The following TMPRSS12 variants were observed in gnomAD, a reference collection of about 807,000 sequenced individuals.
TMPRSS12 encodes transmembrane serine protease 12.
A neutral mutation model predicts 26.0 loss-of-function variants in TMPRSS12; 25 were observed. That is an observed-to-expected ratio of 0.96 (90% CI 0.70 to 1.34). TMPRSS12 has a LOEUF of 1.34. TMPRSS12 is among the 40% of genes most tolerant of loss of function. TMPRSS12 has a pLI of 0.00. For missense variants in TMPRSS12, 441 were observed against 440.1 expected (o/e 1.00, Z -0.02); for synonymous variants, 150 against 161.7 (o/e 0.93, Z 0.55).
intron 3 of TMPRSS12, among the ~76,000 whole-genome samples, chr12:50,875,173 A>G (rs1450610990): frequency 1.3e-5 from 2 of 152,148 alleles, no homozygotes; most frequent in East Asian, 3.8e-4. Flanking sequence ...GCATCACATT[A>G]CCCAACTTCA....
chr12:50,885,019 G>A (rs1164595286), intron 3 of TMPRSS12, among the ~76,000 whole-genome samples: 2 of 151,918 alleles, frequency 1.3e-5, no homozygotes, highest in Non-Finnish European at 2.9e-5. Context: ...ACTCCAGCCT[G>A]GGCAATAGAT....
chr12:50,879,979 T>TA (rs1247748893), intron 3 of TMPRSS12, among the ~76,000 whole-genome samples: 2 of 151,890 alleles, frequency 1.3e-5, no homozygotes, highest in African/African-American at 2.4e-5. Flanking sequence ...ACAAAAACAT[T>TA]AAAAAATAAA....
intron 3 of TMPRSS12, among the ~76,000 whole-genome samples, chr12:50,883,526 A>G (rs1938195552): frequency 6.6e-6 from 1 of 152,090 alleles, no homozygotes; most frequent in Non-Finnish European, 1.5e-5. Context: ...TCTACAAAAA[A>G]TTTAAAAATT....
rs1293258132 is a variant in TMPRSS12 at position 50,887,434 on chromosome 12, A to G, written c.968A>G (p.Gln323Arg). 1 of 1,613,966 alleles carries G rather than the reference A, an allele frequency of 6.2e-7. No individual in the cohort carries two copies. The highest frequency in any genetic ancestry group is 2.2e-5 in the East Asian group (1 of 44,870). ...GAGCATTTCTTCCATGCAAGCACTC[A>G]AGGCATACTTACTATAAATATTTTA... ...LTEHFFHASTQGILTINILRG... is the reference protein window; with the variant it reads ...LTEHFFHASTRGILTINILRG... The change falls in exon 5 of 5, where the codon CAA becomes CGA. Residue 323 changes from glutamine to arginine, a missense_variant. Gln to Arg is a conservative substitution (Grantham distance 43). Coordinates refer to ENST00000398458, the MANE Select transcript of TMPRSS12 (RefSeq NM_182559.3).
At chr12:50,877,663 C>G (rs572279622) in intron 3 of TMPRSS12, among the ~76,000 whole-genome samples, 1 of 152,318 alleles carries the variant, frequency 6.6e-6, no homozygotes, top group East Asian at 1.9e-4. Flanking sequence ...TGCAATGGTG[C>G]AATCTCAGCT....
chr12:50,882,501 G>GA (rs1050168750), intron 3 of TMPRSS12, among the ~76,000 whole-genome samples: 1 of 151,794 alleles, frequency 6.6e-6, no homozygotes, highest in Non-Finnish European at 1.5e-5. Context: ...CCAGTTTTCT[G>GA]AAAAAACAAC....
chr12:50,865,041 C>G (rs1166500617), intron 3 of TMPRSS12, among the ~76,000 whole-genome samples: 1 of 152,168 alleles, frequency 6.6e-6, no homozygotes, highest in Non-Finnish European at 1.5e-5. Context: ...ATTTAAAACT[C>G]ATTGGATAGG....
At chr12:50,883,301 G>C (rs1239190151) in intron 3 of TMPRSS12, among the ~76,000 whole-genome samples, 1 of 152,154 alleles carries the variant, frequency 6.6e-6, no homozygotes, top group East Asian at 1.9e-4. Flanking sequence ...ACTACACTAG[G>C]CACCAGCCTA....
intron 2 of TMPRSS12, among the ~76,000 whole-genome samples, chr12:50,854,018 A>G (rs556862748): frequency 1.3e-5 from 2 of 152,230 alleles, no homozygotes; most frequent in East Asian, 3.9e-4. Flanking sequence ...CCAGAGACAC[A>G]ATCTAAAAGA....
intron 3 of TMPRSS12, among the ~76,000 whole-genome samples, chr12:50,876,932 C>T (rs1006207728): frequency 6.6e-6 from 1 of 151,920 alleles, no homozygotes; most frequent in African/African-American, 2.4e-5. Flanking sequence ...AGGCCATTAT[C>T]CTAAGTGAAT....
chr12:50,880,983 T>C (rs1398825928), intron 3 of TMPRSS12, among the ~76,000 whole-genome samples: 12 of 130,980 alleles, frequency 9.2e-5, no homozygotes, highest in Admixed American at 4.6e-4. Flanking sequence ...TTTTTTTTTT[T>C]TTTTTTTTTT....
intron 1 of TMPRSS12, 80 bp downstream of exon 1, chr12:50,843,231 C>G (rs1277881548): frequency 7.1e-7 from 1 of 1,408,822 alleles, no homozygotes; most frequent in African/African-American, 1.5e-5. Context: ...TCGGGTTTCT[C>G]CTTTTCTGTT....
chr12:50,857,224 G>A (rs551114033), intron 2 of TMPRSS12, among the ~76,000 whole-genome samples: 3 of 152,048 alleles, frequency 2.0e-5, no homozygotes, highest in Non-Finnish European at 4.4e-5. Context: ...TATGTATTTT[G>A]CTCCTGTATT....
At chr12:50,851,355 GA>G (rs1937824554) in intron 2 of TMPRSS12, among the ~76,000 whole-genome samples, 2 of 152,104 alleles carry the variant, frequency 1.3e-5, no homozygotes, top group Non-Finnish European at 2.9e-5. Flanking sequence ...GCCATTTTAA[GA>G]AAGAACCAAA....
In TMPRSS12 at chr12:50,887,499, C is replaced by T. The variant is rs1268747818; in HGVS notation, c.1033C>T (p.Leu345=). ...CATAGCTTTATGTTTTGTCATCTTA[C>T]TAGCAACAACATAAAGAAATTCTGA... ...ILIALCFVIL[L]ATT Residue 345 remains leucine, a synonymous_variant, in exon 5 of 5, where the codon CTA becomes TTA. Coordinates refer to ENST00000398458, the MANE Select transcript of TMPRSS12 (RefSeq NM_182559.3). 2 of 1,612,182 alleles carry T rather than the reference C, an allele frequency of 1.2e-6. No individual in the cohort carries two copies. Among genetic ancestry groups the T allele is most frequent in the Non-Finnish European group, 1.7e-6 (2 of 1,179,210 alleles).
chr12:50,843,705 T>A lies in TMPRSS12; in HGVS notation c.188-137T>A, dbSNP rs1442638167. 4 of 796,132 alleles carry A rather than the reference T, an allele frequency of 5.0e-6. No individual in the cohort carries two copies. In the South Asian group the frequency reaches 8.5e-5, roughly 17 times the overall value. 49.3% of individuals were successfully genotyped at this position (796,132 alleles called of 1,614,324 possible). A position where few individuals can be genotyped will look rare whatever the true frequency, so the allele number is the denominator to read the frequency against. ...AACTCTCCAAGTTTCTTTCAAAATATGGGCGTGTCTCCGGTATGTTAGCTT... is the reference window on the plus strand; with the variant it reads ...AACTCTCCAAGTTTCTTTCAAAATAAGGGCGTGTCTCCGGTATGTTAGCTT... On this transcript the variant is annotated intron_variant, in intron 1 of 4. Coordinates refer to ENST00000398458, the MANE Select transcript of TMPRSS12 (RefSeq NM_182559.3).
Position 50,873,027 on chromosome 12 carries a change from G to A in TMPRSS12, c.653-12219G>A, listed in dbSNP as rs182952000. ...CAGCCATAAAAAAGAATGAATTAAC[G>A]GCATTCGCAGCGACCTGGATGAGAT... is the stretch of plus-strand genomic sequence containing the variant. On this transcript the variant is annotated intron_variant, in intron 3 of 4. Transcript: ENST00000398458. 3.1e-3 allele frequency among the ~76,000 whole-genome samples: 466 copies of A among 150,754 alleles called. 3 individuals are homozygous for A. Among genetic ancestry groups the A allele is most frequent in the African/African-American group, 0.011 (430 of 40,922 alleles).
At chr12:50,872,640 G>GTA (rs373587167) in intron 3 of TMPRSS12, among the ~76,000 whole-genome samples, 22,343 of 57,618 alleles carry the variant, frequency 0.39, 7,259 homozygotes, top group South Asian at 0.51. Context: ...TATATATGAC[G>GTA]TATATGTACA....
At chr12:50,849,452 A>G (rs1937803885) in intron 2 of TMPRSS12, among the ~76,000 whole-genome samples, 1 of 152,222 alleles carries the variant, frequency 6.6e-6, no homozygotes, top group South Asian at 2.1e-4. Flanking sequence ...AACTTTTGAC[A>G]GTGTAGATAG....
Sources: gnomAD v4.1 joint callset for allele counts (sites outside exome capture counted in the v4.1 genomes callset) on GRCh38, gnomAD v4.1.1 for gene constraint, MANE v1.5 for transcripts, NCBI Gene and HGNC (gene_info 2026-07-23, HGNC 2026-07-21) for gene names.